PRKAR1B: variants seen among roughly 807,000 people sequenced by gnomAD.
PRKAR1B encodes the protein cAMP-dependent protein kinase type I-beta regulatory subunit.
Under a neutral mutation model 46.5 loss-of-function variants are expected in PRKAR1B, and 22 were observed. That is an observed-to-expected ratio of 0.47 (90% CI 0.34 to 0.68). The LOEUF (loss-of-function observed/expected upper bound fraction) is 0.68, where lower values mean the gene tolerates loss of function less well. PRKAR1B is among the 30% of genes least tolerant of loss of function. The pLI is 0.01. For missense variants in PRKAR1B, 445 were observed against 535.6 expected, an observed-to-expected ratio of 0.83 and a Z score of 1.67; for synonymous variants, 259 against 217.7, an observed-to-expected ratio of 1.19 and a Z score of -1.67.
At chr7:694,780 A>G (rs1379741603) in intron 2 of PRKAR1B, among the ~76,000 whole-genome samples, 1 of 152,142 alleles carries the variant, frequency 6.6e-6, no homozygotes, top group Non-Finnish European at 1.5e-5. Context: ...TCACACCTGT[A>G]ATCCCAGCAC....
In PRKAR1B at chr7:644,099, C is replaced by A. The variant is rs1162533360; in HGVS notation, c.440+33130G>T. 6.6e-6 allele frequency among the ~76,000 whole-genome samples: 1 copy of A among 152,178 alleles called. No individual in the cohort carries two copies. Among genetic ancestry groups the A allele is most frequent in the Non-Finnish European group, 1.5e-5 (1 of 68,042 alleles). On this transcript the variant is annotated intron_variant, in intron 4 of 10. Coordinates refer to ENST00000537384, the MANE Select transcript of PRKAR1B (RefSeq NM_001164760.2). The surrounding 1 kb of genome is among the most constrained non-coding windows in gnomAD (Gnocchi z 4.9). ...ACTACACTAAGCCCTAAGTCTTCAT[C>A]TTGCAGACAAACAGAGGTGCTAAGT...
intron 1 of PRKAR1B, chr7:726,625 G>A (rs1214903766): frequency 8.1e-6 from 8 of 991,308 alleles, no homozygotes; most frequent in African/African-American, 1.7e-5. Context: ...AAGTAGCCCG[G>A]CGCCCCGCCC....
intron 4 of PRKAR1B, among the ~76,000 whole-genome samples, chr7:651,300 G>A (rs781454355): frequency 3.3e-5 from 5 of 152,216 alleles, no homozygotes; most frequent in African/African-American, 4.8e-5. Flanking sequence ...GTGTGCCATG[G>A]AGGAAGCATG....
At chr7:555,216 G>C (rs1017502294) in intron 9 of PRKAR1B, among the ~76,000 whole-genome samples, 1 of 152,236 alleles carries the variant, frequency 6.6e-6, no homozygotes, top group African/African-American at 2.4e-5. Flanking sequence ...GCCCCGCTCT[G>C]GGGAGGGGCT....
chr7:640,157 C>T (rs957873328), intron 4 of PRKAR1B, among the ~76,000 whole-genome samples: 2 of 149,176 alleles, frequency 1.3e-5, no homozygotes, highest in South Asian at 2.1e-4. Context: ...AGCGAGACTC[C>T]GTCTCGAAAA....
chr7:651,182 T>A (rs530942687), intron 4 of PRKAR1B, among the ~76,000 whole-genome samples: 1 of 152,168 alleles, frequency 6.6e-6, no homozygotes, highest in African/African-American at 2.4e-5. Flanking sequence ...GGACCCAGCA[T>A]ACAGCCAGGC....
rs376223777 is a variant in PRKAR1B at position 607,461 on chromosome 7, C to G, written c.441-9G>C. 3.7e-6 allele frequency: 6 copies of G among 1,612,570 alleles called. No homozygotes were observed. The African/African-American group carries it at 6.7e-5, about 18-fold the overall frequency. ...TGGCATCGAATATGTCACTGAAAAG[C>G]AAAACACGCCAAATTAGGGCTGCAG... On this transcript the variant is annotated splice_polypyrimidine_tract_variant and intron_variant, in intron 4 of 10. Transcript: ENST00000537384.
intron 4 of PRKAR1B, among the ~76,000 whole-genome samples, chr7:639,853 T>C (rs1262679065): frequency 1.3e-5 from 2 of 150,130 alleles, no homozygotes; most frequent in African/African-American, 4.9e-5. Context: ...CAAGAATCCA[T>C]CCTTAAAAAG....
intron 4 of PRKAR1B, among the ~76,000 whole-genome samples, chr7:613,127 C>T (rs1157587415): frequency 2.0e-5 from 3 of 151,824 alleles, no homozygotes; most frequent in African/African-American, 7.3e-5. Context: ...AATTTAAAAA[C>T]ACAACCATAA....
At chr7:611,224 C>T (rs1044870933) in intron 4 of PRKAR1B, among the ~76,000 whole-genome samples, 2 of 152,248 alleles carry the variant, frequency 1.3e-5, no homozygotes, top group Non-Finnish European at 2.9e-5. Flanking sequence ...GGGCAGAGCC[C>T]TCCTCCGAGC....
Position 695,875 on chromosome 7 carries a change from A to G in PRKAR1B, c.178-15149T>C, listed in dbSNP as rs139945947. 8.3e-4 allele frequency among the ~76,000 whole-genome samples: 126 copies of G among 151,322 alleles called. 4 individuals are homozygous for G. In the East Asian group the frequency reaches 0.024, roughly 29 times the overall value. ...GAGATGGGGTTTCAGCGTGTTAGCC[A>G]TGATGGTCTCGATCTCCTGACCTCG... is the stretch of plus-strand genomic sequence containing the variant. On this transcript the variant is annotated intron_variant, in intron 2 of 10. Transcript: ENST00000537384.
chr7:722,382 G>A (rs757344675), intron 1 of PRKAR1B, among the ~76,000 whole-genome samples: 6 of 150,262 alleles, frequency 4.0e-5, no homozygotes, highest in South Asian at 2.1e-4. Context: ...GATGACAGGC[G>A]TAAGCCACTG....
intron 4 of PRKAR1B, among the ~76,000 whole-genome samples, chr7:610,035 A>G (rs1782386201): frequency 6.6e-6 from 1 of 152,048 alleles, no homozygotes; most frequent in Admixed American, 6.5e-5. Context: ...GAGCCGCTGC[A>G]CCCGCCCTGC....
At chr7:713,682 C>G (rs1169870772) in intron 1 of PRKAR1B, among the ~76,000 whole-genome samples, 2 of 152,230 alleles carry the variant, frequency 1.3e-5, no homozygotes, top group African/African-American at 2.4e-5. Context: ...CTGGTCCACA[C>G]TCACCTGTCC....
intron 4 of PRKAR1B, among the ~76,000 whole-genome samples, chr7:615,972 AAG>A (rs1378173632): frequency 6.7e-6 from 1 of 149,348 alleles, no homozygotes; most frequent in South Asian, 2.2e-4. Context: ...AAGAAACAGA[AAG>A]AGAGAAAGAG....
At chr7:598,858 C>T (rs922793134) in intron 6 of PRKAR1B, among the ~76,000 whole-genome samples, 5 of 152,244 alleles carry the variant, frequency 3.3e-5, no homozygotes, top group Non-Finnish European at 2.9e-5. Context: ...ACCACCCCCT[C>T]GAATGGCTGC....
intron 8 of PRKAR1B, among the ~76,000 whole-genome samples, chr7:579,675 G>A (rs1310745865): frequency 1.7e-4 from 26 of 152,232 alleles, no homozygotes; most frequent in Admixed American, 1.7e-3. Flanking sequence ...TAAATACCCA[G>A]CAGTGAAAAC....
chr7:574,060 C>T (rs916119511), intron 9 of PRKAR1B, among the ~76,000 whole-genome samples: 4 of 152,232 alleles, frequency 2.6e-5, no homozygotes, highest in African/African-American at 9.6e-5. Flanking sequence ...ACCGCGCGTG[C>T]GGCCTTGATC....
chr7:677,374 C>G, intron 3 of PRKAR1B, 54 bp from the exon 4 acceptor site: 5 of 1,517,006 alleles, frequency 3.3e-6, no homozygotes, highest in Non-Finnish European at 4.6e-6. Flanking sequence ...GATGCTGTGA[C>G]GCGGCCTGAA....
Sources: allele counts gnomAD v4.1 joint callset (sites outside exome capture counted in the v4.1 genomes callset), GRCh38; gene constraint gnomAD v4.1.1; non-coding constraint Gnocchi (gnomAD v3.1); transcripts MANE v1.5; gene names NCBI Gene and HGNC (gene_info 2026-07-23, HGNC 2026-07-21).